The following SRRM3 variants were observed in gnomAD, a reference collection of about 807,000 sequenced individuals.
SRRM3 encodes serine/arginine repetitive matrix 3, also known as serine/arginine repetitive matrix protein 3.
In SRRM3, 27 loss-of-function variants were observed where a neutral mutation model predicts 66.2. The observed-to-expected ratio is 0.41, with a 90% CI of 0.30 to 0.56. The LOEUF (loss-of-function observed/expected upper bound fraction) is 0.56. Among genes scored for constraint, SRRM3 ranks in the 20% least tolerant of loss-of-function variants. The pLI, the probability that SRRM3 is intolerant of heterozygous loss-of-function variation, is 0.32. For missense variants in SRRM3, 918 were observed against 991.9 expected, an observed-to-expected ratio of 0.93 and a Z score of 1.00; for synonymous variants, 391 against 414.9, an observed-to-expected ratio of 0.94 and a Z score of 0.70.
Position 76,286,060 on chromosome 7 carries a change from C to G in SRRM3, c.*217C>G. 1 of 595,434 alleles carries G rather than the reference C, an allele frequency of 1.7e-6. No homozygotes were observed. The highest frequency in any genetic ancestry group is 3.0e-6 in the Non-Finnish European group (1 of 328,034). 36.9% of individuals were successfully genotyped at this position (595,434 alleles called of 1,614,324 possible). ...TGTGCTGCTTCTACGGGTGTCCTCT[C>G]CCACCTCCTGTCCACCCACTGTGCC... On this transcript the variant is annotated 3_prime_UTR_variant, in exon 15 of 15. Transcript: ENST00000611745.
At chr7:76,217,928 G>C (rs782355915) in intron 1 of SRRM3, among the ~76,000 whole-genome samples, 2 of 152,162 alleles carry the variant, frequency 1.3e-5, no homozygotes, top group Non-Finnish European at 2.9e-5. Context: ...CTTTGACTAA[G>C]GTCTGCAAAA....
intron 14 of SRRM3, among the ~76,000 whole-genome samples, chr7:76,284,172 C>CTTT (rs61170781): frequency 0.018 from 2,387 of 134,590 alleles, 64 homozygotes; most frequent in African/African-American, 0.057. Context: ...GCTACTGCTT[C>CTTT]TTTTTTTTTT....
intron 2 of SRRM3, among the ~76,000 whole-genome samples, chr7:76,242,975 A>G (rs1347660869): frequency 1.3e-5 from 2 of 152,046 alleles, no homozygotes; most frequent in Non-Finnish European, 2.9e-5. Flanking sequence ...GGTATCAGCA[A>G]CCTCTGTAAT....
chr7:76,282,556 T>G, intron 12 of SRRM3, 92 bp from the exon 13 acceptor site: 13 of 202,582 alleles, frequency 6.4e-5, no homozygotes, highest in East Asian at 4.0e-4. Context: ...ACCCCGCCCC[T>G]CCGCCCTAAG....
chr7:76,261,729 GGGCAGT>G (rs1801877828), intron 8 of SRRM3, 148 bp downstream of exon 8: 5 of 890,726 alleles, frequency 5.6e-6, no homozygotes, highest in Non-Finnish European at 8.9e-6. Flanking sequence ...TGCGGGGACA[GGGCAGT>G]GGAGAAGGAG....
intron 3 of SRRM3, among the ~76,000 whole-genome samples, chr7:76,248,664 C>A (rs1801500146): frequency 6.6e-6 from 1 of 152,140 alleles, no homozygotes; most frequent in African/African-American, 2.4e-5. Flanking sequence ...CCAGGCAAGC[C>A]CTGATGATTC....
intron 1 of SRRM3, among the ~76,000 whole-genome samples, chr7:76,232,570 T>C (rs1216428129): frequency 2.0e-5 from 3 of 148,932 alleles, no homozygotes; most frequent in Non-Finnish European, 4.5e-5. Context: ...AGACTCCTTC[T>C]CCAAAAAAAA....
chr7:76,269,737 T>A (rs2117084206), intron 11 of SRRM3: 1 of 141,244 alleles, frequency 7.1e-6, no homozygotes, highest in South Asian at 2.3e-4. Flanking sequence ...GTTGTTTTGT[T>A]TTTATTTCCT....
intron 11 of SRRM3, among the ~76,000 whole-genome samples, chr7:76,276,200 C>G (rs186760583): frequency 6.6e-6 from 1 of 152,082 alleles, no homozygotes; most frequent in Admixed American, 6.6e-5. Context: ...GTCCCTGATT[C>G]ACTCACTCAC....
chr7:76,275,228 A>G (rs1417780979), intron 11 of SRRM3, among the ~76,000 whole-genome samples: 1 of 151,956 alleles, frequency 6.6e-6, no homozygotes, highest in Non-Finnish European at 1.5e-5. Context: ...ACCCCACCCC[A>G]TGTTTATCCC....
chr7:76,249,172 G>C (rs1801512171), intron 3 of SRRM3, among the ~76,000 whole-genome samples: 2 of 152,028 alleles, frequency 1.3e-5, no homozygotes, highest in South Asian at 4.2e-4. Context: ...GATTGCTTGA[G>C]CTCAGGAGTT....
At chr7:76,263,985 G>A (rs1380511284) in intron 8 of SRRM3, among the ~76,000 whole-genome samples, 1 of 150,946 alleles carries the variant, frequency 6.6e-6, no homozygotes, top group Non-Finnish European at 1.5e-5. Context: ...CAGTCTGGGA[G>A]CACACGGAGG....
At chr7:76,232,106 G>A (rs1421100150) in intron 1 of SRRM3, among the ~76,000 whole-genome samples, 2 of 152,170 alleles carry the variant, frequency 1.3e-5, no homozygotes, top group Admixed American at 6.5e-5. Context: ...CTGTTGTCAC[G>A]TCTTTGTTCA....
chr7:76,266,669 T>C (rs958867185), intron 10 of SRRM3, among the ~76,000 whole-genome samples: 2 of 134,108 alleles, frequency 1.5e-5, no homozygotes, highest in East Asian at 4.0e-4. Context: ...ATTATATATA[T>C]TTATATATAT....
intron 1 of SRRM3, among the ~76,000 whole-genome samples, chr7:76,220,746 G>A (rs1210955707): frequency 6.6e-6 from 1 of 152,204 alleles, no homozygotes; most frequent in Non-Finnish European, 1.5e-5. Context: ...TGCAAGCCAG[G>A]CTGCCTGCCC....
At chr7:76,264,509 C>T (rs1801961465) in intron 8 of SRRM3, among the ~76,000 whole-genome samples, 1 of 152,162 alleles carries the variant, frequency 6.6e-6, no homozygotes, top group African/African-American at 2.4e-5. Flanking sequence ...TTCTGTGGCC[C>T]TCCCAGACTG....
chr7:76,212,445 C>G (rs1554601838), intron 1 of SRRM3, among the ~76,000 whole-genome samples: 1 of 149,306 alleles, frequency 6.7e-6, no homozygotes, highest in African/African-American at 2.5e-5. Context: ...GCATGAGTCA[C>G]TGCACCCAGC....
At chr7:76,276,837 C>A (rs1333043591) in intron 11 of SRRM3, among the ~76,000 whole-genome samples, 1 of 152,158 alleles carries the variant, frequency 6.6e-6, no homozygotes, top group Non-Finnish European at 1.5e-5. Flanking sequence ...ACTTGGTGGA[C>A]ACCGCATAGG....
At chr7:76,267,570 T>A in intron 11 of SRRM3, 135 bp downstream of exon 11, 1 of 722,942 alleles carries the variant, frequency 1.4e-6, no homozygotes, top group Non-Finnish European at 1.9e-6. Context: ...TCCTCCCTCC[T>A]CGGCTCCCCG....
Sources: gnomAD v4.1 joint callset for allele counts (sites outside exome capture counted in the v4.1 genomes callset) on GRCh38, gnomAD v4.1.1 for gene constraint, MANE v1.5 for transcripts, NCBI Gene and HGNC (gene_info 2026-07-23, HGNC 2026-07-21) for gene names.